RPF2: variants seen among roughly 807,000 people sequenced by gnomAD.
The protein encoded by RPF2 is brix domain containing 1.
A neutral mutation model predicts 38.9 loss-of-function variants in RPF2; 21 were observed. The ratio of observed to expected loss-of-function variants is 0.54; its 90% CI spans 0.38 to 0.78. The LOEUF is 0.78. RPF2 is among the 30% of genes least tolerant of loss of function. RPF2 has a pLI of 0.00. For synonymous variants in RPF2, 121 were observed against 126.2 expected (o/e 0.96, Z 0.28); for missense variants, 314 against 358.1 (o/e 0.88, Z 0.99).
At chr6:110,984,181 A>C (rs1771483441) in intron 1 of RPF2, among the ~76,000 whole-genome samples, 1 of 152,208 alleles carries the variant, frequency 6.6e-6, no homozygotes, top group Non-Finnish European at 1.5e-5. Flanking sequence ...GTTGGAGTGC[A>C]ACAGTGTATA....
intron 2 of RPF2, among the ~76,000 whole-genome samples, chr6:110,986,735 C>T (rs538474021): frequency 6.9e-4 from 105 of 152,052 alleles, no homozygotes; most frequent in Non-Finnish European, 1.4e-3. Context: ...GGGCGGATCA[C>T]GGGGTCAGGA....
At chr6:110,982,518 C>T (rs1192692235) in intron 1 of RPF2, 10 of 240,846 alleles carry the variant, frequency 4.2e-5, no homozygotes, top group South Asian at 1.4e-4. Context: ...TTAAATATCT[C>T]TAAATCTTAG....
intron 8 of RPF2, among the ~76,000 whole-genome samples, chr6:111,018,065 C>A (rs9386990): frequency 0.18 from 27,726 of 152,008 alleles, 2,593 homozygotes; most frequent in South Asian, 0.32. Flanking sequence ...ATACGAAAAC[C>A]AGTCAGGCGT....
At chr6:111,001,682 A>T (rs1771813912) in intron 6 of RPF2, among the ~76,000 whole-genome samples, 1 of 152,178 alleles carries the variant, frequency 6.6e-6, no homozygotes, top group Non-Finnish European at 1.5e-5. Context: ...CTTTGGGACC[A>T]TGCACGAATC....
chr6:110,988,953 T>G, intron 2 of RPF2, 75 bp from the exon 3 acceptor site: 1 of 1,527,100 alleles, frequency 6.5e-7, no homozygotes. Context: ...GGAGAGTGAC[T>G]GTTATGATGC....
At chr6:110,997,973 C>T (rs1001669732) in intron 5 of RPF2, among the ~76,000 whole-genome samples, 2 of 151,312 alleles carry the variant, frequency 1.3e-5, no homozygotes, top group African/African-American at 2.4e-5. Context: ...GGCCCAATCT[C>T]GGCTCACTAC....
rs556793700 is a variant in RPF2, at chr6:110,983,683, T to C, written c.24-1323T>C. ...ATTGGCCTGTTTACTTGCTGTGTGA[T>C]CTTGGGCACATTACCTGTCTGTTCA... On this transcript the variant is annotated intron_variant, in intron 1 of 9. Coordinates refer to ENST00000441448, the MANE Select transcript of RPF2 (RefSeq NM_032194.3). Among the ~76,000 whole-genome samples, 4 of 152,236 alleles carry C rather than the reference T, an allele frequency of 2.6e-5. No homozygotes were observed. The South Asian group carries it at 8.3e-4, about 32-fold the overall frequency.
intron 6 of RPF2, among the ~76,000 whole-genome samples, chr6:111,002,345 T>C (rs2114318292): frequency 6.6e-6 from 1 of 152,200 alleles, no homozygotes; most frequent in African/African-American, 2.4e-5. Context: ...TCTCATTTCT[T>C]TTTTTGTTTT....
intron 2 of RPF2, among the ~76,000 whole-genome samples, chr6:110,988,483 T>C (rs1251664958): frequency 2.0e-5 from 3 of 151,604 alleles, no homozygotes; most frequent in Non-Finnish European, 4.4e-5. Context: ...TCACCAGAGC[T>C]GGAGTGCAGT....
At chr6:111,015,942 A>G in intron 8 of RPF2, 86 bp downstream of exon 8, 1 of 985,982 alleles carries the variant, frequency 1.0e-6, no homozygotes, top group Non-Finnish European at 1.6e-6. Flanking sequence ...CAAACTTAGA[A>G]TTGGTATCTG....
rs1448091017 is a variant in RPF2, at chr6:111,028,233, G to T, written c.*2651G>T. The T allele has an allele frequency of 6.6e-6, 1 of 151,990 alleles. No individual in the cohort carries two copies. Among genetic ancestry groups the T allele is most frequent in the Non-Finnish European group, 1.5e-5 (1 of 68,002 alleles). The allele number at this position is 151,990 out of a possible 1,614,324, so 9.4% of individuals were successfully genotyped here. ...GATGTTATTACTCAATTCAAGAAAA[G>T]AAAGGGCTAATAAAACTTAACTTCA... On this transcript the variant is annotated 3_prime_UTR_variant, in exon 10 of 10. Coordinates refer to ENST00000441448, the MANE Select transcript of RPF2 (RefSeq NM_032194.3).
At chr6:111,005,559 T>C (rs1422365213) in intron 6 of RPF2, among the ~76,000 whole-genome samples, 1 of 152,248 alleles carries the variant, frequency 6.6e-6, no homozygotes, top group East Asian at 1.9e-4. Context: ...CTATACTTTC[T>C]ATAGCTTATG....
chr6:111,002,505 A>AT (rs995225341), intron 6 of RPF2, among the ~76,000 whole-genome samples: 26 of 149,792 alleles, frequency 1.7e-4, no homozygotes, highest in Admixed American at 5.3e-4. Context: ...GCCCAGCCAC[A>AT]TTTTTTTTTA....
intron 7 of RPF2, among the ~76,000 whole-genome samples, chr6:111,012,487 G>A (rs1003689386): frequency 3.3e-5 from 5 of 151,944 alleles, no homozygotes; most frequent in African/African-American, 9.7e-5. Context: ...TTAAATGGTA[G>A]CATATTATAT....
chr6:111,008,936 G>A (rs1199510090), intron 7 of RPF2, among the ~76,000 whole-genome samples: 1 of 116,898 alleles, frequency 8.6e-6, no homozygotes, highest in Non-Finnish European at 1.7e-5. Context: ...GTCTTGCTCT[G>A]TTGCCCAGGC....
At chr6:110,995,843 C>G (rs1208113368) in intron 4 of RPF2, among the ~76,000 whole-genome samples, 1 of 152,144 alleles carries the variant, frequency 6.6e-6, no homozygotes, top group Non-Finnish European at 1.5e-5. Flanking sequence ...TGGTGTCACT[C>G]TGTCACCCAG....
intron 4 of RPF2, 129 bp from the exon 5 acceptor site, chr6:110,997,054 G>A (rs1259405827): frequency 2.0e-5 from 13 of 641,012 alleles, no homozygotes; most frequent in East Asian, 8.7e-5. Context: ...AACTCGCCTC[G>A]GCGTCCCAAG....
chr6:110,997,243 C>T lies in RPF2; in HGVS notation c.295C>T (p.Arg99Trp), dbSNP rs1396882383. 24 of 1,596,202 alleles carry T rather than the reference C, an allele frequency of 1.5e-5. No homozygotes were observed. The highest frequency in any genetic ancestry group is 1.9e-5 in the Non-Finnish European group (22 of 1,165,760). ...CATGTTTGGCTCCCATAATAAGAAGCGGCCAAATAATCTAGTAATAGGTAA... is the reference window on the plus strand; with the variant it reads ...CATGTTTGGCTCCCATAATAAGAAGTGGCCAAATAATCTAGTAATAGGTAA... ...LFMFGSHNKK[R>W]PNNLVIGRMY... Residue 99 changes from arginine to tryptophan, a missense_variant, in exon 5 of 10, where the codon CGG (arginine) becomes TGG (tryptophan). By Grantham distance (101) the Arg-to-Trp change is moderately radical (BLOSUM62 -3). Transcript: ENST00000441448.
intron 8 of RPF2, among the ~76,000 whole-genome samples, chr6:111,018,751 T>A (rs1483845855): frequency 2.6e-5 from 4 of 152,164 alleles, no homozygotes. Context: ...GATCATAAGA[T>A]GTAATTAGAG....
Sources: allele counts gnomAD v4.1 joint callset (sites outside exome capture counted in the v4.1 genomes callset), GRCh38; gene constraint gnomAD v4.1.1; transcripts MANE v1.5; gene names NCBI Gene and HGNC (gene_info 2026-07-23, HGNC 2026-07-21).